The following C7 variants were observed in gnomAD, a reference collection of about 807,000 sequenced individuals.
C7 encodes complement component C7.
A neutral mutation model predicts 104.8 loss-of-function variants in C7; 83 were observed. The observed-to-expected ratio is 0.79, with a 90% CI of 0.66 to 0.95. The LOEUF is 0.95. C7 is among the 40% of genes least tolerant of loss of function. The pLI is 0.00. For missense variants in C7, 1,070 were observed against 1,011.2 expected (o/e 1.06, Z -0.79); for synonymous variants, 415 against 360.6 (o/e 1.15, Z -1.71).
At chr5:40,974,897 T>C (rs1740780918) in intron 15 of C7, among the ~76,000 whole-genome samples, 1 of 152,138 alleles carries the variant, frequency 6.6e-6, no homozygotes, top group African/African-American at 2.4e-5. Flanking sequence ...GTCTAATAAT[T>C]CTTTGCTATG....
At chr5:40,948,213 G>C (rs1463108108) in intron 8 of C7, among the ~76,000 whole-genome samples, 1 of 149,888 alleles carries the variant, frequency 6.7e-6, no homozygotes, top group Non-Finnish European at 1.5e-5. Flanking sequence ...GTTTAAATAA[G>C]TATTTCATTT....
intron 9 of C7, among the ~76,000 whole-genome samples, chr5:40,954,509 T>A (rs1056676360): frequency 6.6e-6 from 1 of 152,154 alleles, no homozygotes; most frequent in Non-Finnish European, 1.5e-5. Context: ...ATACTCACAC[T>A]AAAAATATAA....
chr5:40,926,321 G>A (rs1739551432), intron 1 of C7, among the ~76,000 whole-genome samples: 1 of 152,010 alleles, frequency 6.6e-6, no homozygotes, highest in Non-Finnish European at 1.5e-5. Flanking sequence ...GTGAAAAATT[G>A]AAAGCCTTTT....
chr5:40,919,219 G>A (rs1002118428), intron 1 of C7, among the ~76,000 whole-genome samples: 9 of 151,340 alleles, frequency 5.9e-5, no homozygotes, highest in Admixed American at 6.6e-5. Context: ...CACCTCCCAG[G>A]CTCAAGTGAT....
chr5:40,914,964 G>A (rs901786238), intron 1 of C7, among the ~76,000 whole-genome samples: 5 of 152,104 alleles, frequency 3.3e-5, no homozygotes, highest in African/African-American at 1.2e-4. Flanking sequence ...AACCAGATTT[G>A]GACTGTCAGA....
At chr5:40,961,682 C>A (rs117600692) in intron 12 of C7, among the ~76,000 whole-genome samples, 1 of 152,066 alleles carries the variant, frequency 6.6e-6, no homozygotes, top group South Asian at 2.1e-4. Flanking sequence ...TGTCGCATCT[C>A]GTCCAATACC....
intron 2 of C7, among the ~76,000 whole-genome samples, chr5:40,930,413 C>A (rs1025346555): frequency 2.0e-5 from 3 of 151,734 alleles, no homozygotes; most frequent in Non-Finnish European, 2.9e-5. Flanking sequence ...ACCATGATGG[C>A]CCTGTTGGTC....
intron 1 of C7, among the ~76,000 whole-genome samples, chr5:40,923,587 A>C (rs1331772766): frequency 6.6e-6 from 1 of 152,134 alleles, no homozygotes; most frequent in Non-Finnish European, 1.5e-5. Context: ...CTCTACTAAA[A>C]ATACAAAATT....
intron 1 of C7, among the ~76,000 whole-genome samples, chr5:40,920,771 G>A (rs1739422072): frequency 6.6e-6 from 1 of 152,138 alleles, no homozygotes; most frequent in Non-Finnish European, 1.5e-5. Context: ...AATGTAGGCT[G>A]GGCATGGTGG....
At chr5:40,923,304 A>G (rs1243515666) in intron 1 of C7, among the ~76,000 whole-genome samples, 1 of 152,206 alleles carries the variant, frequency 6.6e-6, no homozygotes, top group African/African-American at 2.4e-5. Flanking sequence ...TTATAAATAA[A>G]AGAGGTTTAA....
At chr5:40,977,478 G>T (rs568497012) in intron 16 of C7, among the ~76,000 whole-genome samples, 5 of 152,296 alleles carry the variant, frequency 3.3e-5, no homozygotes, top group African/African-American at 9.6e-5. Context: ...CAGCTTGACC[G>T]TATAGCCATA....
chr5:40,974,830 TA>T (rs1287111731), intron 15 of C7, among the ~76,000 whole-genome samples: 1 of 152,190 alleles, frequency 6.6e-6, no homozygotes. Context: ...TCATTGACCT[TA>T]AGTTTTGGTA....
intron 1 of C7, among the ~76,000 whole-genome samples, chr5:40,922,567 G>A (rs1561237723): frequency 6.6e-6 from 1 of 150,872 alleles, no homozygotes. Context: ...TGGGTGTGGT[G>A]GCACGTGCCT....
intron 1 of C7, among the ~76,000 whole-genome samples, chr5:40,918,820 A>G (rs2111617580): frequency 6.6e-6 from 1 of 152,260 alleles, no homozygotes; most frequent in African/African-American, 2.4e-5. Context: ...GATATGATGG[A>G]AGAGACAGAT....
At chr5:40,946,325 A>G (rs746379545) in intron 7 of C7, among the ~76,000 whole-genome samples, 1 of 152,216 alleles carries the variant, frequency 6.6e-6, no homozygotes, top group Non-Finnish European at 1.5e-5. Flanking sequence ...TAATTTTTTT[A>G]GGCTAATTAT....
chr5:40,910,743 A>G (rs1739189094), intron 1 of C7, among the ~76,000 whole-genome samples: 1 of 150,434 alleles, frequency 6.6e-6, no homozygotes, highest in African/African-American at 2.4e-5. Flanking sequence ...AAAGATGGCA[A>G]CACTAGACAC....
At chr5:40,972,242 G>A (rs1267488270) in intron 14 of C7, among the ~76,000 whole-genome samples, 161 bp from the exon 15 acceptor site, 2 of 152,142 alleles carry the variant, frequency 1.3e-5, no homozygotes, top group African/African-American at 4.8e-5. Flanking sequence ...CAGGCTCTGT[G>A]TGACATGTCT....
intron 1 of C7, among the ~76,000 whole-genome samples, chr5:40,917,661 CAT>C (rs1739345629): frequency 6.6e-6 from 1 of 152,152 alleles, no homozygotes; most frequent in Non-Finnish European, 1.5e-5. Flanking sequence ...ATTGCTGAAT[CAT>C]ATGCTTGTTC....
chr5:40,977,175 T>C (rs1230308755), intron 16 of C7, among the ~76,000 whole-genome samples: 1 of 152,160 alleles, frequency 6.6e-6, no homozygotes, highest in African/African-American at 2.4e-5. Flanking sequence ...TGAAATTCCT[T>C]TGGCACATAA....
Sources: allele counts gnomAD v4.1 joint callset (sites outside exome capture counted in the v4.1 genomes callset), GRCh38; gene constraint gnomAD v4.1.1; transcripts MANE v1.5; gene names NCBI Gene and HGNC (gene_info 2026-07-23, HGNC 2026-07-21).